The following NCOA4 variants were observed in gnomAD, a reference collection of about 807,000 sequenced individuals.
NCOA4 encodes the protein nuclear receptor coactivator 4.
NCOA4 carries 31 observed loss-of-function variants against 69.5 expected under a neutral mutation model. That is an observed-to-expected ratio of 0.45 (90% confidence interval 0.34 to 0.60). The LOEUF is 0.60. NCOA4 is among the 20% of genes least tolerant of loss of function. The pLI is 0.02. For missense variants in NCOA4, 600 were observed against 719.2 expected (o/e 0.83, Z 1.90); for synonymous variants, 228 against 252.4 (o/e 0.90, Z 0.92).
At chr10:46,023,378 T>C in intron 1 of NCOA4, 2 of 985,644 alleles carry the variant, frequency 2.0e-6, no homozygotes, top group Non-Finnish European at 2.4e-6. Flanking sequence ...AGCGACAGGC[T>C]GCTTTACCCC....
At chr10:46,017,098 A>G (rs1312717891) in intron 1 of NCOA4, among the ~76,000 whole-genome samples, 1 of 152,246 alleles carries the variant, frequency 6.6e-6, no homozygotes, top group Non-Finnish European at 1.5e-5. Context: ...AAGGTACAGA[A>G]GGATCTTTGA....
chr10:46,029,973 G>T (rs1840368553), intron 1 of NCOA4, among the ~76,000 whole-genome samples: 1 of 152,150 alleles, frequency 6.6e-6, no homozygotes, highest in Non-Finnish European at 1.5e-5. Flanking sequence ...ATTATTGGGA[G>T]AATTAAATGT....
chr10:46,023,385 C>CAAA lies in NCOA4; in HGVS notation c.-14-6692_-14-6691insTTT, dbSNP rs1308648668. ...GCCCGGCAAGCGACAGGCTGCTTTA[C>CAAA]CCCTGACCCGAGTGCGAAAGGTCCC... On this transcript the variant is annotated intron_variant, in intron 1 of 9. Coordinates refer to ENST00000581486, the MANE Select transcript of NCOA4 (RefSeq NM_001145263.2). The CAAA allele has an allele frequency of 9.4e-5, 93 of 985,774 alleles. No individual in the cohort carries two copies. The Middle Eastern group carries it at 2.1e-3, about 22-fold the overall frequency. 61.1% of individuals were successfully genotyped at this position (985,774 alleles called of 1,614,324 possible).
intron 1 of NCOA4, among the ~76,000 whole-genome samples, chr10:46,024,977 T>C (rs1840081566): frequency 6.6e-6 from 1 of 152,144 alleles, no homozygotes; most frequent in Non-Finnish European, 1.5e-5. Flanking sequence ...TAAAGATATA[T>C]ACAGATATAG....
intron 9 of NCOA4, among the ~76,000 whole-genome samples, chr10:46,007,473 C>G (rs1838898816): frequency 6.6e-6 from 1 of 151,706 alleles, no homozygotes; most frequent in Non-Finnish European, 1.5e-5. Flanking sequence ...AAACAACTTC[C>G]TATTGGAAGA....
chr10:46,011,869 G>C (rs752015862), intron 7 of NCOA4, among the ~76,000 whole-genome samples: 4 of 151,222 alleles, frequency 2.6e-5, no homozygotes, highest in African/African-American at 9.7e-5. Flanking sequence ...GCTAACACGG[G>C]TGAAACCCCG....
At chr10:46,013,491 C>T in intron 6 of NCOA4, 59 bp downstream of exon 6, 1 of 1,271,328 alleles carries the variant, frequency 7.9e-7, no homozygotes, top group Non-Finnish European at 1.1e-6. Flanking sequence ...CTATATAAAA[C>T]CCAAAGGAAG....
intron 5 of NCOA4, 34 bp from the exon 6 acceptor site, chr10:46,013,673 A>G: frequency 6.9e-7 from 1 of 1,459,112 alleles, no homozygotes; most frequent in Admixed American, 2.0e-5. Flanking sequence ...CATGTTATTT[A>G]TGCTATGCTG....
Position 46,010,662 on chromosome 10 carries a change from T to A in NCOA4, c.1259A>T (p.Glu420Val). Residue 420 changes from glutamate to valine, a missense_variant, in exon 8 of 10, where the codon GAG becomes GTG. Transcript: ENST00000581486. ...CTSFAECVCD[E>V]NCEKEALYKW... Reference sequence around the variant, plus strand: ...ATACAGAGCCTCCTTCTCACAATTCTCATCACACACACACTCTGCAAAGCT... The same window carrying A: ...ATACAGAGCCTCCTTCTCACAATTCACATCACACACACACTCTGCAAAGCT... 1 of 1,614,172 alleles carries A rather than the reference T, an allele frequency of 6.2e-7. No homozygotes were observed. The highest frequency in any genetic ancestry group is 8.5e-7 in the Non-Finnish European group (1 of 1,180,024).
rs143160936 is a variant in NCOA4, at chr10:46,020,506, T to C, written c.-14-3812A>G. On this transcript the variant is annotated intron_variant, in intron 1 of 9. Transcript: ENST00000581486. Reference sequence around the variant, plus strand: ...AGGCTGTGAACAGGACCTGACAGAATCCTTTAGCCATTTATCAGGGCTATG... The same window carrying C: ...AGGCTGTGAACAGGACCTGACAGAACCCTTTAGCCATTTATCAGGGCTATG... Among the ~76,000 whole-genome samples the C allele has an allele frequency of 4.6e-3, 704 of 152,334 alleles. 4 individuals carry two copies. Among genetic ancestry groups the C allele is most frequent in the African/African-American group, 0.016 (673 of 41,574 alleles).
intron 2 of NCOA4, 102 bp downstream of exon 2, chr10:46,016,438 G>T (rs1590165858): frequency 1.8e-6 from 2 of 1,106,490 alleles, no homozygotes; most frequent in Admixed American, 3.0e-5. Context: ...AAGGCATGGG[G>T]TGAAATTTTT....
intron 1 of NCOA4, among the ~76,000 whole-genome samples, chr10:46,029,048 A>AAGG (rs1491285276): frequency 1.8e-4 from 25 of 139,932 alleles, no homozygotes; most frequent in African/African-American, 6.8e-4. Flanking sequence ...AAAAAAAAAA[A>AAGG]GGGGGGGGTG....
intron 1 of NCOA4, chr10:46,019,473 C>T (rs1554923926): frequency 4.1e-6 from 4 of 985,454 alleles, no homozygotes; most frequent in Non-Finnish European, 4.8e-6. Flanking sequence ...AAATTTCTCA[C>T]TTTTAGCTTC....
intron 6 of NCOA4, 41 bp from the exon 7 acceptor site, chr10:46,013,067 G>A: frequency 6.2e-7 from 1 of 1,600,108 alleles, no homozygotes; most frequent in South Asian, 1.1e-5. Flanking sequence ...GCAGTAGAAA[G>A]TTCACCAGAA....
At chr10:46,011,299 A>C (rs1007914726) in intron 7 of NCOA4, 93 bp from the exon 8 acceptor site, 1 of 1,307,986 alleles carries the variant, frequency 7.6e-7, no homozygotes, top group South Asian at 1.5e-5. Flanking sequence ...AGACAGTCTC[A>C]CTCTGTCGCC....
chr10:46,027,781 T>C lies in NCOA4; in HGVS notation c.-15+2745A>G, dbSNP rs117491563. ...CAGTACTGCTTGAGAAAGTGCTCTC[T>C]GAACCAGCAGCACATTCCACTGTAT... On this transcript the variant is annotated intron_variant, in intron 1 of 9. Transcript: ENST00000581486. Among the ~76,000 whole-genome samples the C allele has an allele frequency of 7.2e-5, 11 of 152,340 alleles. No homozygotes were observed. In the East Asian group the frequency reaches 2.1e-3, roughly 29 times the overall value.
At chr10:46,022,313 A>G (rs1554924541) in intron 1 of NCOA4, 2 of 407,836 alleles carry the variant, frequency 4.9e-6, no homozygotes, top group East Asian at 7.1e-5. Context: ...TAACTGAACA[A>G]TTTGGTTATC....
chr10:46,021,087 A>T lies in NCOA4; in HGVS notation c.-14-4393T>A, dbSNP rs901932774. 2.3e-3 allele frequency among the ~76,000 whole-genome samples: 345 copies of T among 152,316 alleles called. 3 individuals are homozygous for T. Among genetic ancestry groups the T allele is most frequent in the African/African-American group, 7.9e-3 (329 of 41,580 alleles). The stretch of plus-strand genomic sequence containing the variant: ...TAAACTATATATGCCATGCTTACAC[A>T]ATGCTTTGCACAAATCTATTTGTGA... On this transcript the variant is annotated intron_variant, in intron 1 of 9. Coordinates refer to ENST00000581486, the MANE Select transcript of NCOA4 (RefSeq NM_001145263.2).
Position 46,005,858 on chromosome 10 carries a change from A to G in NCOA4, c.*734T>C, listed in dbSNP as rs556590656. On this transcript the variant is annotated 3_prime_UTR_variant, in exon 10 of 10. Transcript: ENST00000581486. ...TCTTTTAAGCCCCGTAGGTCTGTAG[A>G]ATATTTTAAAAGGCTAGAATTACCT... The G allele has an allele frequency of 4.8e-6, 1 of 207,264 alleles. No homozygotes were observed. The highest frequency in any genetic ancestry group is 7.4e-5 in the East Asian group (1 of 13,506). The allele number at this position is 207,264 out of a possible 1,614,324, so 12.8% of individuals were successfully genotyped here. A position where few individuals can be genotyped will look rare whatever the true frequency, so the allele number is the denominator to read the frequency against.
Sources: allele counts gnomAD v4.1 joint callset (sites outside exome capture counted in the v4.1 genomes callset), GRCh38; gene constraint gnomAD v4.1.1; transcripts MANE v1.5; gene names NCBI Gene and HGNC (gene_info 2026-07-23, HGNC 2026-07-21).